The following DENND3 variants were observed in gnomAD, a reference collection of about 807,000 sequenced individuals.
DENND3 encodes the protein DENN domain-containing protein 3.
In DENND3, 88 loss-of-function variants were observed where a neutral mutation model predicts 135.1. The observed-to-expected ratio is 0.65, with a 90% CI of 0.55 to 0.78. The LOEUF is 0.78. Ranked by LOEUF, DENND3 falls within the 30% of genes least tolerant of loss-of-function variation. DENND3 has a pLI of 0.00. For synonymous variants in DENND3, 693 were observed against 712.3 expected (o/e 0.97, Z 0.43); for missense variants, 1,392 against 1,688.4 (o/e 0.82, Z 3.08).
chr8:141,163,436 G>C lies in DENND3; in HGVS notation c.1449+7G>C. The C allele has an allele frequency of 1.3e-6, 2 of 1,595,968 alleles. No homozygotes were observed. Among genetic ancestry groups the C allele is most frequent in the Non-Finnish European group, 1.7e-6 (2 of 1,164,248 alleles). ...CCATCAGTTTTATAAGCAGGTGAGA[G>C]CTGTGGGATTTGGGTGTGCCTGTGT... On this transcript the variant is annotated splice_region_variant and intron_variant, in intron 10 of 22. Coordinates refer to ENST00000519811, the MANE Select transcript of DENND3 (RefSeq NM_001352890.3).
At chr8:141,184,496 A>T (rs1350314096) in intron 17 of DENND3, 2 of 151,696 alleles carry the variant, frequency 1.3e-5, no homozygotes, top group African/African-American at 2.4e-5. Flanking sequence ...AAATAAAAAT[A>T]AAAAAAAATA....
rs772338647 is a variant in DENND3, at chr8:141,138,008, C to G, written c.386-14C>G. On this transcript the variant is annotated splice_polypyrimidine_tract_variant and intron_variant, in intron 2 of 22. Transcript: ENST00000519811. This position sits in a 1 kb window ranked among gnomAD's most constrained non-coding sequence, Gnocchi z 4.8. ...GCAAGAACAGGATTCTTCTCTGTCT[C>G]TTTCTGCCTGCAGGGGGTGTGTGCG... The G allele has an allele frequency of 3.2e-6, 5 of 1,580,612 alleles. No individual in the cohort carries two copies. In the South Asian group the frequency reaches 4.6e-5, roughly 15 times the overall value.
In DENND3 at chr8:141,175,183, C is replaced by T; in HGVS notation, c.2276-17C>T. The T allele has an allele frequency of 1.2e-6, 2 of 1,606,386 alleles. No homozygotes were observed. The highest frequency in any genetic ancestry group is 1.7e-4 in the Middle Eastern group (1 of 6,022). On this transcript the variant is annotated splice_polypyrimidine_tract_variant and intron_variant, in intron 13 of 22. Transcript: ENST00000519811. This position sits in a 1 kb window ranked among gnomAD's most constrained non-coding sequence, Gnocchi z 5.4. ...TGTGGCTGTAAGATACCTCTCTTTT[C>T]TTCTTATCAAACTAAGGACAGGAGA...
Position 141,137,915 on chromosome 8 carries a change from C to A in DENND3, c.386-107C>A. On this transcript the variant is annotated intron_variant, in intron 2 of 22. Coordinates refer to ENST00000519811, the MANE Select transcript of DENND3 (RefSeq NM_001352890.3). This position sits in a 1 kb window ranked among gnomAD's most constrained non-coding sequence, Gnocchi z 4.1. The stretch of plus-strand genomic sequence containing the variant: ...CGCCTTGGACATGAAGGCACCACCA[C>A]TGCTAACTGTGGAGGTGTGTCCTAA... 1.7e-6 allele frequency: 2 copies of A among 1,144,476 alleles called. No homozygotes were observed. The highest frequency in any genetic ancestry group is 2.5e-6 in the Non-Finnish European group (2 of 802,636). 70.9% of individuals were successfully genotyped at this position (1,144,476 alleles called of 1,614,324 possible). A position where few individuals can be genotyped will look rare whatever the true frequency, so the allele number is the denominator to read the frequency against.
rs1816815077 is a variant in DENND3 at position 141,136,608 on chromosome 8, A to C, written c.202A>C (p.Met68Leu). Reference protein sequence around the residue: ...PPFISKEDSQMAGANCGTLGK... With the variant: ...PPFISKEDSQLAGANCGTLGK... ...TTTTATCAGTAAAGAGGACAGTCAAATGGCCGGTGCCAACTGCGGCACTCT... is the reference window on the plus strand; with the variant it reads ...TTTTATCAGTAAAGAGGACAGTCAACTGGCCGGTGCCAACTGCGGCACTCT... Residue 68 changes from methionine to leucine, a missense_variant, in exon 2 of 23, where the codon ATG becomes CTG. Physicochemically the swap from Met to Leu is conservative, Grantham distance 15 (BLOSUM62 2). Coordinates refer to ENST00000519811, the MANE Select transcript of DENND3 (RefSeq NM_001352890.3). The C allele has an allele frequency of 6.2e-7, 1 of 1,601,900 alleles. No individual in the cohort carries two copies. Among genetic ancestry groups the C allele is most frequent in the South Asian group, 1.1e-5 (1 of 88,712 alleles).
At chr8:141,155,150 T>C (rs1819287044) in intron 7 of DENND3, among the ~76,000 whole-genome samples, 1 of 152,130 alleles carries the variant, frequency 6.6e-6, no homozygotes, top group Non-Finnish European at 1.5e-5. Flanking sequence ...ATAGTGAGTC[T>C]CAGTTTTGGG....
At chr8:141,163,473 A>G in intron 10 of DENND3, 44 bp downstream of exon 10, 1 of 1,241,988 alleles carries the variant, frequency 8.1e-7, no homozygotes, top group Non-Finnish European at 1.2e-6. Flanking sequence ...TGTTCAATCC[A>G]TTATCCTTTT....
At chr8:141,140,118 G>T (rs1340968823) in intron 3 of DENND3, among the ~76,000 whole-genome samples, 1 of 152,018 alleles carries the variant, frequency 6.6e-6, no homozygotes, top group East Asian at 1.9e-4. Context: ...TTGCTATGTT[G>T]CCCATGCTGA....
chr8:141,186,140 G>A (rs146852250), intron 18 of DENND3, among the ~76,000 whole-genome samples: 6 of 152,060 alleles, frequency 3.9e-5, no homozygotes, highest in African/African-American at 4.8e-5. Context: ...GTTTTGCCAC[G>A]CTGCCCAGGC....
In DENND3 at chr8:141,190,271, T is replaced by C. The variant is rs777734041; in HGVS notation, c.3246-13T>C. The stretch of plus-strand genomic sequence containing the variant: ...CCAAGTTAAAGGTGTGTGTGTGTGT[T>C]TTGTGCCCCCAGCAACGTGTACTCG... On this transcript the variant is annotated splice_polypyrimidine_tract_variant and intron_variant, in intron 19 of 22. Coordinates refer to ENST00000519811, the MANE Select transcript of DENND3 (RefSeq NM_001352890.3). 1 of 1,576,180 alleles carries C rather than the reference T, an allele frequency of 6.3e-7. No homozygotes were observed. Among genetic ancestry groups the C allele is most frequent in the Non-Finnish European group, 8.6e-7 (1 of 1,158,848 alleles).
chr8:141,177,022 C>A, intron 15 of DENND3: 2 of 450,048 alleles, frequency 4.4e-6, no homozygotes, highest in Non-Finnish European at 8.0e-6. Context: ...TGCCCCACTG[C>A]CCGCTCCAGA....
chr8:141,160,590 G>C (rs200924597), intron 8 of DENND3, 42 bp from the exon 9 acceptor site: 1 of 1,556,494 alleles, frequency 6.4e-7, no homozygotes, highest in East Asian at 2.3e-5. Context: ...GCCGTGGCCA[G>C]TGCTGCTGGG....
Position 141,185,149 on chromosome 8 carries a change from C to A in DENND3, c.2955C>A (p.Asp985Glu). The A allele has an allele frequency of 6.2e-7, 1 of 1,613,744 alleles. No individual in the cohort carries two copies. The highest frequency in any genetic ancestry group is 8.5e-7 in the Non-Finnish European group (1 of 1,179,724). The change falls in exon 18 of 23, where the codon GAC becomes GAA. Residue 985 changes from aspartate (D) to glutamate (E), a missense_variant. By Grantham distance (45) the Asp-to-Glu change is conservative. Transcript: ENST00000519811. ...DVLLYTPGHL[D>E]PAEKVEDAHP... ...TGCTCTCCTCTTTAGGGCATCTTGA[C>A]CCAGCCGAAAAAGTTGAAGATGCTC...
chr8:141,181,249 C>A lies in DENND3; in HGVS notation c.2944+395C>A, dbSNP rs375942934. On this transcript the variant is annotated intron_variant, in intron 17 of 22. Coordinates refer to ENST00000519811, the MANE Select transcript of DENND3 (RefSeq NM_001352890.3). ...TCTTGGCTCACTGCATCCTCCAACT[C>A]CTGGATTCAAGTGATTCTCCTGCCT... Among the ~76,000 whole-genome samples, 7 of 152,326 alleles carry A rather than the reference C, an allele frequency of 4.6e-5. No homozygotes were observed. In the South Asian group the frequency reaches 1.4e-3, roughly 32 times the overall value.
At chr8:141,185,540 A>C in intron 18 of DENND3, 1 of 393,214 alleles carries the variant, frequency 2.5e-6, no homozygotes, top group Non-Finnish European at 4.7e-6. Context: ...GCCCCCATCT[A>C]AAAATAGATT....
rs535405728 is a variant in DENND3 at position 141,144,885 on chromosome 8, A to G, written c.735+626A>G. 4.0e-4 allele frequency among the ~76,000 whole-genome samples: 61 copies of G among 152,236 alleles called. No homozygotes were observed. The highest frequency in any genetic ancestry group is 9.8e-4 in the Admixed American group (15 of 15,290). ...CAGGTATAATGTAGCTTACTTTCCA[A>G]CCTGACTCTGGTATAGCATCCATGA... On this transcript the variant is annotated intron_variant, in intron 5 of 22. Coordinates refer to ENST00000519811, the MANE Select transcript of DENND3 (RefSeq NM_001352890.3). This position sits in a 1 kb window ranked among gnomAD's most constrained non-coding sequence, Gnocchi z 4.4.
At chr8:141,135,099 G>A (rs1212148869) in intron 1 of DENND3, among the ~76,000 whole-genome samples, 4 of 151,802 alleles carry the variant, frequency 2.6e-5, no homozygotes, top group Non-Finnish European at 4.4e-5. Context: ...GCTTCCCAAA[G>A]TGCTGGGATT....
At chr8:141,149,669 G>A (rs1389726618) in intron 5 of DENND3, among the ~76,000 whole-genome samples, 1 of 152,224 alleles carries the variant, frequency 6.6e-6, no homozygotes, top group Non-Finnish European at 1.5e-5. Context: ...GCTCACACGG[G>A]GACCTGTCCA....
chr8:141,147,008 A>G (rs981895418), intron 5 of DENND3, among the ~76,000 whole-genome samples: 5 of 152,198 alleles, frequency 3.3e-5, no homozygotes, highest in Non-Finnish European at 4.4e-5. Flanking sequence ...ATGCGTGCGT[A>G]GCACTCCCAG....
Sources: allele counts gnomAD v4.1 joint callset (sites outside exome capture counted in the v4.1 genomes callset), GRCh38; gene constraint gnomAD v4.1.1; non-coding constraint Gnocchi (gnomAD v3.1); transcripts MANE v1.5; gene names NCBI Gene and HGNC (gene_info 2026-07-23, HGNC 2026-07-21).